Variants in ANO6 observed in about 807,000 individuals in gnomAD.
ANO6 encodes the protein anoctamin 6.
Under a neutral mutation model 117.5 loss-of-function variants are expected in ANO6, and 106 were observed. The observed-to-expected ratio is 0.90, with a 90% CI of 0.77 to 1.06. The LOEUF is 1.06. Ranked by LOEUF, ANO6 falls within the 50% of genes least tolerant of loss-of-function variation. ANO6 has a pLI of 0.00. For synonymous variants in ANO6, 367 were observed against 385.1 expected (o/e 0.95, Z 0.55); for missense variants, 955 against 1,121.1 (o/e 0.85, Z 2.12).
At chr12:45,217,604 G>C (rs915806301) in intron 1 of ANO6, among the ~76,000 whole-genome samples, 1 of 152,188 alleles carries the variant, frequency 6.6e-6, no homozygotes, top group East Asian at 1.9e-4. Context: ...GCAAATAGTA[G>C]TAGTTTTTAT....
At chr12:45,328,822 C>T (rs1449959595) in intron 2 of ANO6, among the ~76,000 whole-genome samples, 3 of 152,014 alleles carry the variant, frequency 2.0e-5, no homozygotes, top group African/African-American at 7.2e-5. Context: ...TGTAGAGAGC[C>T]CCATGTTTTT....
At chr12:45,366,207 C>T (rs879743695) in intron 8 of ANO6, among the ~76,000 whole-genome samples, 17 of 151,246 alleles carry the variant, frequency 1.1e-4, no homozygotes, top group Non-Finnish European at 2.2e-4. Context: ...AAACTTTTAC[C>T]AATTTGTGGC....
At chr12:45,387,097 T>G (rs898475825) in intron 10 of ANO6, among the ~76,000 whole-genome samples, 1 of 152,194 alleles carries the variant, frequency 6.6e-6, no homozygotes, top group African/African-American at 2.4e-5. Context: ...TCCCAGCTGA[T>G]AGTAGACACT....
chr12:45,235,446 A>C (rs964136496), intron 1 of ANO6, among the ~76,000 whole-genome samples: 53 of 152,222 alleles, frequency 3.5e-4, no homozygotes, highest in African/African-American at 1.3e-3. Flanking sequence ...AAGAAAGATC[A>C]AATGTTTACT....
chr12:45,360,867 C>T (rs145835427), intron 8 of ANO6, among the ~76,000 whole-genome samples: 84 of 152,280 alleles, frequency 5.5e-4, no homozygotes, highest in African/African-American at 2.0e-3. Context: ...TATCTTGGCA[C>T]CCTTGTTGAA....
chr12:45,246,698 A>G (rs1947830218), intron 1 of ANO6, among the ~76,000 whole-genome samples: 1 of 149,938 alleles, frequency 6.7e-6, no homozygotes, highest in South Asian at 2.1e-4. Flanking sequence ...GATCATTTGG[A>G]TGTGTCCCTG....
At chr12:45,349,964 C>G (rs1430451029) in intron 6 of ANO6, among the ~76,000 whole-genome samples, 1 of 152,122 alleles carries the variant, frequency 6.6e-6, no homozygotes, top group Non-Finnish European at 1.5e-5. Context: ...TGCAGTGGTC[C>G]TGTATTCAGG....
intron 1 of ANO6, among the ~76,000 whole-genome samples, chr12:45,231,454 A>AT (rs1215815598): frequency 6.6e-6 from 1 of 152,222 alleles, no homozygotes; most frequent in Non-Finnish European, 1.5e-5. Context: ...AAGTTTAGAC[A>AT]TTCCATATCA....
chr12:45,221,870 C>T (rs1947404619), intron 1 of ANO6, among the ~76,000 whole-genome samples: 3 of 150,368 alleles, frequency 2.0e-5, no homozygotes, highest in African/African-American at 4.9e-5. Flanking sequence ...TTCTCCCTCC[C>T]CGACTCCTTT....
In ANO6 at chr12:45,429,292, T is replaced by C. The variant is rs1313523374; in HGVS notation, c.2714T>C (p.Leu905Ser). The change falls in exon 20 of 20, where the codon TTA (leucine) becomes TCA (serine). Residue 905 changes from leucine to serine, a missense_variant. By Grantham distance (145) the Leu-to-Ser change is moderately radical (BLOSUM62 -2). Transcript: ENST00000320560. Reference protein sequence around the residue: ...ERMIEAVDNNLRPKSE With the variant: ...ERMIEAVDNNSRPKSE ...ATGATAGAAGCAGTAGATAACAATT[T>C]ACGGCCAAAATCAGAATAAGAGCTT... The C allele has an allele frequency of 1.2e-6, 2 of 1,613,488 alleles. No individual in the cohort carries two copies. The highest frequency in any genetic ancestry group is 1.7e-6 in the Non-Finnish European group (2 of 1,179,780).
rs1278956714 is a variant in ANO6 at position 45,341,568 on chromosome 12, GAT to G, written c.280-5451_280-5450del. ...TGAGGCAAAAGAGAAGAGACAAAAA[GAT>G]ATGTTCACATCCTTCAGAGAAGGAA... On this transcript the variant is annotated intron_variant, in intron 3 of 19. Transcript: ENST00000320560. Among the ~76,000 whole-genome samples, 4 of 152,164 alleles carry G rather than the reference GAT, an allele frequency of 2.6e-5. No homozygotes were observed. In the East Asian group the frequency reaches 7.7e-4, roughly 29 times the overall value.
At chr12:45,290,731 A>C (rs1481739012) in intron 1 of ANO6, among the ~76,000 whole-genome samples, 2 of 152,244 alleles carry the variant, frequency 1.3e-5, no homozygotes, top group African/African-American at 4.8e-5. Context: ...TTTTAATGGT[A>C]AATCTAAGTT....
At chr12:45,409,114 C>G (rs1943019930) in intron 15 of ANO6, among the ~76,000 whole-genome samples, 1 of 151,916 alleles carries the variant, frequency 6.6e-6, no homozygotes, top group Non-Finnish European at 1.5e-5. Context: ...ATTAAGCTGC[C>G]CATAGGGAAA....
intron 9 of ANO6, among the ~76,000 whole-genome samples, chr12:45,373,648 G>A (rs374047171): frequency 6.6e-6 from 1 of 152,148 alleles, no homozygotes; most frequent in East Asian, 1.9e-4. Flanking sequence ...AAATAAAGAT[G>A]TTCTTTGAAA....
chr12:45,268,989 T>C (rs1938305654), intron 1 of ANO6, among the ~76,000 whole-genome samples: 1 of 152,186 alleles, frequency 6.6e-6, no homozygotes, highest in African/African-American at 2.4e-5. Flanking sequence ...AATCAAGATT[T>C]ATGGTGGAGA....
Position 45,430,388 on chromosome 12 carries a change from G to A in ANO6, c.*1077G>A, listed in dbSNP as rs1592059344. The A allele has an allele frequency of 4.1e-6, 4 of 985,444 alleles. No homozygotes were observed. The highest frequency in any genetic ancestry group is 2.4e-6 in the Non-Finnish European group (2 of 829,970). 61.0% of individuals were successfully genotyped at this position (985,444 alleles called of 1,614,324 possible). On this transcript the variant is annotated 3_prime_UTR_variant, in exon 20 of 20. Transcript: ENST00000320560. The stretch of plus-strand genomic sequence containing the variant: ...CCTCATTGTGGTCATTGGGTGGGGA[G>A]TGCCTTTTGTCAAGGAGTCTGCAGG...
rs199820346 is a variant in ANO6 at position 45,367,757 on chromosome 12, A to C, written c.1068A>C (p.Pro356=). 6.2e-7 allele frequency: 1 copy of C among 1,613,726 alleles called. No individual in the cohort carries two copies. Among genetic ancestry groups the C allele is most frequent in the African/African-American group, 1.3e-5 (1 of 75,036 alleles). The change falls in exon 9 of 20, where the codon CCA becomes CCC. Residue 356 remains proline (P), a synonymous_variant. Coordinates refer to ENST00000320560, the MANE Select transcript of ANO6 (RefSeq NM_001025356.3). ...GTCCTCAGTGTGATAGGCTTTGTCCATTCTGGAAACTCAATATTACTTGCG... is the reference window on the plus strand; with the variant it reads ...GTCCTCAGTGTGATAGGCTTTGTCCCTTCTGGAAACTCAATATTACTTGCG... ...IMCPQCDRLC[P]FWKLNITCES... is the part of the protein sequence containing the mutation.
At chr12:45,252,211 C>A (rs930458130) in intron 1 of ANO6, among the ~76,000 whole-genome samples, 6 of 152,278 alleles carry the variant, frequency 3.9e-5, no homozygotes, top group African/African-American at 1.4e-4. Context: ...CACACCATCA[C>A]ACACACAAAA....
rs1218638312 is a variant in ANO6 at position 45,308,048 on chromosome 12, ATTTTTTTT to A, written c.150+5972_150+5979del. 3.1e-3 allele frequency among the ~76,000 whole-genome samples: 214 copies of A among 69,322 alleles called. 1 individual carries two copies. Among genetic ancestry groups the A allele is most frequent in the African/African-American group, 0.01 (191 of 18,356 alleles). The allele number at this position is 69,322 out of a possible 152,430, so 45.5% of individuals were successfully genotyped here. A position where few individuals can be genotyped will look rare whatever the true frequency, so the allele number is the denominator to read the frequency against. Reference sequence around the variant, plus strand: ...GTGTGTGTCTGTGTGTGTGTGTGTAATTTTTTTTTTTTTTTTTTTTTTTTGCCAAGCAA... The same window carrying A: ...GTGTGTGTCTGTGTGTGTGTGTGTAATTTTTTTTTTTTTTTTGCCAAGCAA... On this transcript the variant is annotated intron_variant, in intron 2 of 19. Transcript: ENST00000320560.
Sources: allele counts gnomAD v4.1 joint callset (sites outside exome capture counted in the v4.1 genomes callset), GRCh38; gene constraint gnomAD v4.1.1; transcripts MANE v1.5; gene names NCBI Gene and HGNC (gene_info 2026-07-23, HGNC 2026-07-21).